Variants in CES4A observed in about 807,000 individuals in gnomAD.
CES4A encodes carboxylesterase 6.
Under a neutral mutation model 65.4 loss-of-function variants are expected in CES4A, and 48 were observed. That is an observed-to-expected ratio of 0.73 (90% CI 0.58 to 0.93). The LOEUF is 0.93. CES4A is among the 40% of genes least tolerant of loss of function. The pLI is 0.00. For missense variants in CES4A, 685 were observed against 728.5 expected, an observed-to-expected ratio of 0.94 and a Z score of 0.69; for synonymous variants, 247 against 281.8, an observed-to-expected ratio of 0.88 and a Z score of 1.24.
intron 5 of CES4A, 79 bp from the exon 6 acceptor site, chr16:67,002,991 A>G: frequency 1.6e-6 from 2 of 1,258,430 alleles, no homozygotes; most frequent in Non-Finnish European, 1.2e-6. Flanking sequence ...CTGCCTGCCC[A>G]TGGCCAGACA....
intron 2 of CES4A, among the ~76,000 whole-genome samples, chr16:66,997,113 G>T (rs951702180): frequency 6.6e-6 from 1 of 150,754 alleles, no homozygotes; most frequent in African/African-American, 2.4e-5. Context: ...ATGACTAGCA[G>T]TTACTAAAAT....
At chr16:67,006,785 G>A (rs750643298) in exon 13 of CES4A, 3 of 1,614,180 alleles carry the variant, frequency 1.9e-6, no homozygotes, top group Non-Finnish European at 2.5e-6. Flanking sequence ...GCCTCCAGAT[G>A]ATGAAATACT....
intron 2 of CES4A, among the ~76,000 whole-genome samples, chr16:66,996,456 C>T (rs1427541780): frequency 6.6e-6 from 1 of 152,208 alleles, no homozygotes; most frequent in Non-Finnish European, 1.5e-5. Flanking sequence ...TTCACTCTCA[C>T]ATCACCCCCC....
intron 11 of CES4A, 65 bp downstream of exon 11, chr16:67,005,458 A>T: frequency 6.6e-7 from 1 of 1,517,904 alleles, no homozygotes; most frequent in Non-Finnish European, 9.0e-7. Context: ...CTGTTTACCA[A>T]CTGGGCTTAT....
chr16:67,005,555 G>A, intron 11 of CES4A, 162 bp downstream of exon 11: 1 of 688,158 alleles, frequency 1.5e-6, no homozygotes, highest in Non-Finnish European at 2.3e-6. Context: ...TCAACTACAA[G>A]AGAGGAAGGG....
At chr16:66,995,504 G>C in intron 1 of CES4A, 124 bp from the exon 2 acceptor site, 1 of 782,126 alleles carries the variant, frequency 1.3e-6, no homozygotes, top group South Asian at 1.6e-5. Context: ...GGCTGCGCAG[G>C]GGTGACCCTT....
exon 11 of CES4A, chr16:67,005,325 G>A (rs374638104): frequency 3.5e-5 from 56 of 1,613,968 alleles, no homozygotes; most frequent in Admixed American, 1.2e-4. Flanking sequence ...CTACGAAACC[G>A]TATGATGGAC....
chr16:67,005,465 T>G (rs1032270873), intron 11 of CES4A, 72 bp downstream of exon 11: 5 of 1,440,880 alleles, frequency 3.5e-6, no homozygotes, highest in Admixed American at 1.9e-5. Flanking sequence ...CCAACTGGGC[T>G]TATCGACTGC....
rs77327904 is a variant in CES4A, at chr16:66,997,075, AT to A, written c.260+1247del. On this transcript the variant is annotated intron_variant, in intron 2 of 13. Transcript: ENST00000648724. ...GTGAGACCCTGTCTCAAAAAAAAAA[AT>A]AAAAGCAGGTTGTCCACTGTTAGAA... is the stretch of plus-strand genomic sequence containing the variant. 4.2e-3 allele frequency among the ~76,000 whole-genome samples: 623 copies of A among 147,370 alleles called. 9 individuals are homozygous for A. The highest frequency in any genetic ancestry group is 4.6e-3 in the Admixed American group (67 of 14,708).
Position 67,001,449 on chromosome 16 carries a change from C to T in CES4A, c.678C>T (p.Ser226=), listed in dbSNP as rs1965345143. The T allele has an allele frequency of 6.2e-7, 1 of 1,606,572 alleles. No individual in the cohort carries two copies. Among genetic ancestry groups the T allele is most frequent in the African/African-American group, 1.3e-5 (1 of 74,800 alleles). The change falls in exon 5 of 14, where the codon AGC becomes AGT. Residue 226 remains serine, a synonymous_variant. Coordinates refer to ENST00000648724, the Ensembl canonical transcript of CES4A. This position sits in a 1 kb window ranked among gnomAD's most constrained non-coding sequence, Gnocchi z 4.1. Reference sequence around the variant, plus strand: ...TCGGCCAGTCGGCGGGGGCCATGAGCATCTCAGGACTGGTGAGAGCAATGC... The same window carrying T: ...TCGGCCAGTCGGCGGGGGCCATGAGTATCTCAGGACTGGTGAGAGCAATGC...
chr16:67,000,741 T>G lies in CES4A; in HGVS notation c.364T>G (p.Tyr122Asp). 1.3e-6 allele frequency: 2 copies of G among 1,549,560 alleles called. No individual in the cohort carries two copies. The highest frequency in any genetic ancestry group is 1.7e-6 in the Non-Finnish European group (2 of 1,146,352). The change falls in exon 3 of 14, where the codon TAC (tyrosine) becomes GAC (aspartate). Residue 122 changes from tyrosine (Y) to aspartate (D), a missense_variant. Transcript: ENST00000648724. This position sits in a 1 kb window ranked among gnomAD's most constrained non-coding sequence, Gnocchi z 4.2. Reference sequence around the variant, plus strand: ...CGAGGACTGTCTGTACCTGAACGTGTACGCGCCGGCGCGCGCGCCCGGGGA... The same window carrying G: ...CGAGGACTGTCTGTACCTGAACGTGGACGCGCCGGCGCGCGCGCCCGGGGA...
At chr16:67,006,494 C>T in exon 12 of CES4A, 1 of 1,536,934 alleles carries the variant, frequency 6.5e-7, no homozygotes, top group Non-Finnish European at 8.7e-7. Flanking sequence ...AGATGTACTT[C>T]CTCTTTGGGG....
Position 67,003,691 on chromosome 16 carries a change from A to AC in CES4A, c.939+141dup. The AC allele has an allele frequency of 4.1e-6, 3 of 728,206 alleles. No individual in the cohort carries two copies. The highest frequency in any genetic ancestry group is 7.3e-6 in the Non-Finnish European group (3 of 411,354). The allele number at this position is 728,206 out of a possible 1,614,324, so 45.1% of individuals were successfully genotyped here. A position where few individuals can be genotyped will look rare whatever the true frequency, so the allele number is the denominator to read the frequency against. On this transcript the variant is annotated intron_variant, in intron 8 of 13. Transcript: ENST00000648724. This position sits in a 1 kb window ranked among gnomAD's most constrained non-coding sequence, Gnocchi z 4.2. ...ATGTTCCAGTGGGGAAGGAGAATAA[A>AC]CCCTATAAATAAATATATTATCCAC... is the stretch of plus-strand genomic sequence containing the variant.
At chr16:67,008,985 A>G in exon 14 of CES4A, 2 of 1,612,520 alleles carry the variant, frequency 1.2e-6, no homozygotes, top group Non-Finnish European at 1.7e-6. Flanking sequence ...AACCCCAATG[A>G]TGGGAATCTG....
intron 1 of CES4A, among the ~76,000 whole-genome samples, chr16:66,994,195 G>T (rs2145586076): frequency 6.6e-6 from 1 of 151,048 alleles, no homozygotes; most frequent in South Asian, 2.1e-4. Context: ...CAGAGAAATA[G>T]CCCATATAAT....
chr16:67,000,073 G>C lies in CES4A; in HGVS notation c.261-565G>C, dbSNP rs530870162. ...AACTTTATCCTGAGGGCAGTGGAGA[G>C]CCAGGGAAGATTTTTGTTGATTTGT... On this transcript the variant is annotated intron_variant, in intron 2 of 13. Transcript: ENST00000648724. This position sits in a 1 kb window ranked among gnomAD's most constrained non-coding sequence, Gnocchi z 4.2. Among the ~76,000 whole-genome samples, 13 of 152,316 alleles carry C rather than the reference G, an allele frequency of 8.5e-5. No homozygotes were observed. In the East Asian group the frequency reaches 2.5e-3, roughly 29 times the overall value.
Position 67,000,812 on chromosome 16 carries a change from A to ACCGCCGC in CES4A, c.402+36_403-36dup. ...CCAGGTCTCCCGCGCCCGCGGTCCC[A>ACCGCCGC]CCGCCGCCCACCGCCCCGCTCAGAT... On this transcript the variant is annotated intron_variant, in intron 3 of 13. Coordinates refer to ENST00000648724, the Ensembl canonical transcript of CES4A. The surrounding 1 kb of genome is among the most constrained non-coding windows in gnomAD (Gnocchi z 4.2). 2 of 1,552,098 alleles carry ACCGCCGC rather than the reference A, an allele frequency of 1.3e-6. No individual in the cohort carries two copies. Among genetic ancestry groups the ACCGCCGC allele is most frequent in the Non-Finnish European group, 1.7e-6 (2 of 1,147,092 alleles).
chr16:67,003,335 A>G lies in CES4A; in HGVS notation c.875A>G (p.Lys292Arg), dbSNP rs1161335584. 1.2e-6 allele frequency: 2 copies of G among 1,613,974 alleles called. No homozygotes were observed. Among genetic ancestry groups the G allele is most frequent in the Non-Finnish European group, 1.7e-6 (2 of 1,180,004 alleles). ...TGCCTGAGGGCACTATCAGGGACCA[A>G]GGTGATGCGTGTGTCCAACAAGATG... The change falls in exon 7 of 14, where the codon AAG becomes AGG. Residue 292 changes from lysine to arginine, a missense_variant. Physicochemically the swap from Lys to Arg is conservative, Grantham distance 26 (BLOSUM62 2). Transcript: ENST00000648724. The surrounding 1 kb of genome is among the most constrained non-coding windows in gnomAD (Gnocchi z 4.2).
chr16:67,008,890 G>A, intron 13 of CES4A, 84 bp from the exon 14 acceptor site: 3 of 1,419,850 alleles, frequency 2.1e-6, no homozygotes, highest in Non-Finnish European at 2.9e-6. Context: ...AAGTCCCAAG[G>A]GCAAATTAAA....
Sources: allele counts gnomAD v4.1 joint callset (sites outside exome capture counted in the v4.1 genomes callset), GRCh38; gene constraint gnomAD v4.1.1; non-coding constraint Gnocchi (gnomAD v3.1); transcripts MANE v1.5; gene names NCBI Gene and HGNC (gene_info 2026-07-23, HGNC 2026-07-21).